MARCHF1: variants seen among roughly 807,000 people sequenced by gnomAD.
MARCHF1 encodes E3 ubiquitin-protein ligase MARCHF1.
Under a neutral mutation model 54.2 loss-of-function variants are expected in MARCHF1, and 40 were observed. That is an observed-to-expected ratio of 0.74 (90% CI 0.57 to 0.96). MARCHF1 has a LOEUF of 0.96. Among genes scored for constraint, MARCHF1 ranks in the 40% least tolerant of loss-of-function variants. MARCHF1 has a pLI of 0.00. For synonymous variants in MARCHF1, 236 were observed against 236.3 expected (o/e 1.00, Z 0.01); for missense variants, 586 against 656.5 (o/e 0.89, Z 1.17).
intron 3 of MARCHF1, among the ~76,000 whole-genome samples, chr4:163,964,228 T>C (rs1355466703): frequency 6.6e-6 from 1 of 152,036 alleles, no homozygotes; most frequent in African/African-American, 2.4e-5. Context: ...AATTTATGTC[T>C]TCTTTGTCAC....
At chr4:163,529,147 A>G (rs1738255465) in intron 9 of MARCHF1, 101 bp from the exon 10 acceptor site, 5 of 781,768 alleles carry the variant, frequency 6.4e-6, no homozygotes, top group Admixed American at 2.9e-5. Flanking sequence ...CTTGCCTTCT[A>G]GATTATGTAT....
At chr4:163,540,201 C>T (rs1160713975) in intron 9 of MARCHF1, among the ~76,000 whole-genome samples, 1 of 152,082 alleles carries the variant, frequency 6.6e-6, no homozygotes, top group Non-Finnish European at 1.5e-5. Context: ...CAACTGGAGA[C>T]ACCTAGAGCA....
At chr4:164,161,830 T>C (rs979078200) in intron 1 of MARCHF1, among the ~76,000 whole-genome samples, 1 of 152,098 alleles carries the variant, frequency 6.6e-6, no homozygotes, top group African/African-American at 2.4e-5. Flanking sequence ...TAATAATTCT[T>C]AGCCACCCGT....
Position 164,233,140 on chromosome 4 carries a change from T to TA in MARCHF1, c.-322-121479dup, listed in dbSNP as rs566689347. 6.6e-5 allele frequency among the ~76,000 whole-genome samples: 10 copies of TA among 152,272 alleles called. No individual in the cohort carries two copies. The East Asian group carries it at 1.9e-3, about 29-fold the overall frequency. The stretch of plus-strand genomic sequence containing the variant: ...AGGATTTGGTAATTAATAGTACCCC[T>TA]ATATGTGTTTGTTGAATAAATAAAT... On this transcript the variant is annotated intron_variant, in intron 1 of 9. Transcript: ENST00000514618.
chr4:163,713,261 GCT>G (rs1745161501), intron 4 of MARCHF1, among the ~76,000 whole-genome samples: 1 of 152,018 alleles, frequency 6.6e-6, no homozygotes, highest in Non-Finnish European at 1.5e-5. Context: ...TTACATACCA[GCT>G]CTCTTGGATC....
chr4:163,901,112 G>A (rs1353698152), intron 3 of MARCHF1, among the ~76,000 whole-genome samples: 2 of 152,136 alleles, frequency 1.3e-5, no homozygotes, highest in Non-Finnish European at 2.9e-5. Flanking sequence ...TACTGTAGAA[G>A]CACTAGAGTA....
At chr4:164,376,007 C>T (rs1731180260) in intron 1 of MARCHF1, among the ~76,000 whole-genome samples, 1 of 152,216 alleles carries the variant, frequency 6.6e-6, no homozygotes, top group Admixed American at 6.5e-5. Flanking sequence ...TCATTATACT[C>T]ACTTTTGCGT....
chr4:164,381,208 C>T (rs1376544492), intron 1 of MARCHF1, among the ~76,000 whole-genome samples: 1 of 152,090 alleles, frequency 6.6e-6, no homozygotes, highest in Non-Finnish European at 1.5e-5. Flanking sequence ...TCACCTTGCC[C>T]AGTTAAGAGC....
intron 1 of MARCHF1, chr4:164,197,061 G>A (rs538402254): frequency 6.2e-7 from 1 of 1,604,888 alleles, no homozygotes; most frequent in East Asian, 2.2e-5. Flanking sequence ...CATCTTCCTC[G>A]CCATCTACCT....
intron 2 of MARCHF1, among the ~76,000 whole-genome samples, chr4:164,061,746 C>T (rs577524701): frequency 6.6e-6 from 1 of 151,926 alleles, no homozygotes; most frequent in African/African-American, 2.4e-5. Flanking sequence ...AGAATTTTAT[C>T]TAAAAATGTA....
At chr4:164,218,045 G>C (rs907190395) in intron 1 of MARCHF1, among the ~76,000 whole-genome samples, 1 of 151,712 alleles carries the variant, frequency 6.6e-6, no homozygotes, top group Non-Finnish European at 1.5e-5. Flanking sequence ...ATTTAAACAG[G>C]CAAGGCTCAC....
At chr4:164,224,627 A>G (rs1168672315) in intron 1 of MARCHF1, among the ~76,000 whole-genome samples, 2 of 152,046 alleles carry the variant, frequency 1.3e-5, no homozygotes, top group Non-Finnish European at 2.9e-5. Context: ...TTTGTAACTT[A>G]TAATAGCAAA....
chr4:163,743,228 A>G (rs1007403364), intron 4 of MARCHF1, among the ~76,000 whole-genome samples: 3 of 152,006 alleles, frequency 2.0e-5, no homozygotes, highest in African/African-American at 7.2e-5. Context: ...CTAGAGGGTC[A>G]AAAAAAAGAT....
intron 3 of MARCHF1, among the ~76,000 whole-genome samples, chr4:163,933,692 C>T (rs1434143165): frequency 1.3e-5 from 2 of 152,216 alleles, no homozygotes; most frequent in African/African-American, 2.4e-5. Flanking sequence ...CAATAAGCAA[C>T]TTTTCCATGC....
chr4:164,356,077 C>T (rs1322116055), intron 1 of MARCHF1, among the ~76,000 whole-genome samples: 1 of 136,224 alleles, frequency 7.3e-6, no homozygotes, highest in Non-Finnish European at 1.6e-5. Flanking sequence ...CATCATCTCA[C>T]ACCAGTTAGA....
intron 3 of MARCHF1, among the ~76,000 whole-genome samples, chr4:163,908,723 G>A (rs1435921147): frequency 1.3e-5 from 2 of 152,078 alleles, no homozygotes; most frequent in African/African-American, 4.8e-5. Flanking sequence ...GACTAATGGT[G>A]GCCCCAGGAG....
intron 1 of MARCHF1, among the ~76,000 whole-genome samples, chr4:164,321,342 G>A (rs1412570306): frequency 3.3e-5 from 5 of 152,148 alleles, no homozygotes; most frequent in African/African-American, 1.2e-4. Flanking sequence ...CGCAGTGGAT[G>A]AATTTAAAGA....
At chr4:163,663,797 G>A (rs1414814725) in intron 5 of MARCHF1, among the ~76,000 whole-genome samples, 3 of 151,970 alleles carry the variant, frequency 2.0e-5, no homozygotes, top group African/African-American at 7.2e-5. Context: ...ATATTCAGAA[G>A]TGAGAATCAA....
At position 164,275,345 on chromosome 4, in the gene MARCHF1, C is replaced by T. The variant is rs192370368; in HGVS notation, c.-323+108525G>A. Among the ~76,000 whole-genome samples, 54 of 152,308 alleles carry T rather than the reference C, an allele frequency of 3.5e-4. No homozygotes were observed. The East Asian group carries it at 9.3e-3, about 26-fold the overall frequency. On this transcript the variant is annotated intron_variant, in intron 1 of 9. Transcript: ENST00000514618. ...GACTACTACCGCAAACAGCCCTTCACGCCCTCCTCCCAGTACAAAGCTAAT... is the reference window on the plus strand; with the variant it reads ...GACTACTACCGCAAACAGCCCTTCATGCCCTCCTCCCAGTACAAAGCTAAT...
Sources: allele counts gnomAD v4.1 joint callset (sites outside exome capture counted in the v4.1 genomes callset), GRCh38; gene constraint gnomAD v4.1.1; transcripts MANE v1.5; gene names NCBI Gene and HGNC (gene_info 2026-07-23, HGNC 2026-07-21).